Variants in DNAJC6 observed in about 807,000 individuals in gnomAD.
The protein encoded by DNAJC6 is auxilin.
A neutral mutation model predicts 110.0 loss-of-function variants in DNAJC6; 34 were observed. The observed-to-expected ratio is 0.31, with a 90% CI of 0.24 to 0.41. The LOEUF (loss-of-function observed/expected upper bound fraction) is 0.41, where lower values mean the gene tolerates loss of function less well. Among genes scored for constraint, DNAJC6 ranks in the 10% least tolerant of loss-of-function variants. DNAJC6 has a pLI of 1.00. For synonymous variants in DNAJC6, 406 were observed against 437.2 expected (o/e 0.93, Z 0.89); for missense variants, 1,031 against 1,207.8 (o/e 0.85, Z 2.17).
chr1:65,269,316 C>T (rs1473751942), intron 1 of DNAJC6, among the ~76,000 whole-genome samples: 1 of 150,418 alleles, frequency 6.6e-6, no homozygotes, highest in Non-Finnish European at 1.5e-5. Flanking sequence ...TTCAGTGAGC[C>T]GAGATAGCAA....
intron 1 of DNAJC6, among the ~76,000 whole-genome samples, chr1:65,269,431 T>C (rs1046279733): frequency 1.3e-5 from 2 of 152,120 alleles, no homozygotes; most frequent in African/African-American, 4.8e-5. Flanking sequence ...TGGAAGTTAT[T>C]ACAAAATCTA....
At chr1:65,278,678 C>T (rs1653751001) in intron 1 of DNAJC6, among the ~76,000 whole-genome samples, 1 of 152,000 alleles carries the variant, frequency 6.6e-6, no homozygotes, top group Non-Finnish European at 1.5e-5. Flanking sequence ...AAGAAAGTGC[C>T]AAAGAGAAAG....
At chr1:65,307,030 A>G (rs1272378517), upstream of DNAJC6, among the ~76,000 whole-genome samples, 1 of 147,206 alleles carries the variant, frequency 6.8e-6, no homozygotes, top group East Asian at 2.0e-4. Context: ...ATATATATAT[A>G]TATATATATA....
At chr1:65,335,329 T>A (rs1381757689) in intron 1 of DNAJC6, among the ~76,000 whole-genome samples, 4 of 151,846 alleles carry the variant, frequency 2.6e-5, no homozygotes, top group African/African-American at 9.7e-5. Flanking sequence ...TTAGCCATGA[T>A]GGTCTTGATC....
intron 1 of DNAJC6, among the ~76,000 whole-genome samples, chr1:65,336,319 C>A (rs1245180510): frequency 1.3e-5 from 2 of 152,066 alleles, no homozygotes; most frequent in East Asian, 3.9e-4. Flanking sequence ...GGTAACTGCC[C>A]CCATGATTCA....
intron 1 of DNAJC6, among the ~76,000 whole-genome samples, chr1:65,333,517 A>G (rs1248410990): frequency 1.3e-5 from 2 of 152,146 alleles, no homozygotes; most frequent in African/African-American, 4.8e-5. Flanking sequence ...AAAGGGGTTA[A>G]GTGAGTTGCC....
intron 1 of DNAJC6, among the ~76,000 whole-genome samples, chr1:65,289,612 A>G (rs1285441026): frequency 6.6e-6 from 1 of 152,174 alleles, no homozygotes; most frequent in Non-Finnish European, 1.5e-5. Context: ...ATTTGTATGT[A>G]GTCTTTTGTG....
At chr1:65,301,984 A>G (rs1370640692) in intron 1 of DNAJC6, among the ~76,000 whole-genome samples, 1 of 150,790 alleles carries the variant, frequency 6.6e-6, no homozygotes, top group African/African-American at 2.4e-5. Context: ...TCAGAGAGAG[A>G]GAGAGAGAGA....
intron 1 of DNAJC6, among the ~76,000 whole-genome samples, chr1:65,293,869 GT>G (rs1408653830): frequency 1.3e-5 from 2 of 152,090 alleles, no homozygotes; most frequent in African/African-American, 4.8e-5. Flanking sequence ...TCAAACTTAT[GT>G]TCTATTAGTG....
chr1:65,269,637 G>A (rs1489445795), intron 1 of DNAJC6, among the ~76,000 whole-genome samples: 3 of 152,182 alleles, frequency 2.0e-5, no homozygotes, highest in Non-Finnish European at 2.9e-5. Context: ...TGTCACTGCT[G>A]CATGTGACTG....
intron 1 of DNAJC6, among the ~76,000 whole-genome samples, chr1:65,329,642 CTG>C (rs1399795714): frequency 6.6e-6 from 1 of 152,090 alleles, no homozygotes; most frequent in Non-Finnish European, 1.5e-5. Context: ...AAATCCAAAA[CTG>C]TCTGTTACAA....
Position 65,315,080 on chromosome 1 carries a change from T to C in DNAJC6, c.193+5142T>C, listed in dbSNP as rs78509280. On this transcript the variant is annotated intron_variant, in intron 1 of 18. Transcript: ENST00000371069. The stretch of plus-strand genomic sequence containing the variant: ...CAGAGTTCTTTTTATTTGGGCAAAA[T>C]CAGCCTTTCTGTTCTCTAGATACAA... Among the ~76,000 whole-genome samples the C allele has an allele frequency of 8.4e-3, 1,282 of 152,248 alleles. 10 individuals are homozygous for C. Among genetic ancestry groups the C allele is most frequent in the South Asian group, 0.035 (167 of 4,826 alleles).
chr1:65,413,327 CAGA>C lies in DNAJC6; in HGVS notation c.*303_*305del. 5 of 284,482 alleles carry C rather than the reference CAGA, an allele frequency of 1.8e-5. No individual in the cohort carries two copies. The highest frequency in any genetic ancestry group is 4.7e-5 in the South Asian group (1 of 21,276). The allele number at this position is 284,482 out of a possible 1,614,324, so 17.6% of individuals were successfully genotyped here. On this transcript the variant is annotated 3_prime_UTR_variant, in exon 19 of 19. Transcript: ENST00000371069. ...GCATTCTACCTGGGGAAATGGAAAA[CAGA>C]GGCCACCACCCATGAAGGCATAACA...
At chr1:65,395,933 A>G (rs1236175246) in intron 13 of DNAJC6, among the ~76,000 whole-genome samples, 1 of 152,200 alleles carries the variant, frequency 6.6e-6, no homozygotes, top group Non-Finnish European at 1.5e-5. Context: ...CCTGATGTCG[A>G]AGTCTATTGA....
intron 16 of DNAJC6, among the ~76,000 whole-genome samples, chr1:65,408,379 G>A (rs1646096565): frequency 6.6e-6 from 1 of 152,214 alleles, no homozygotes; most frequent in African/African-American, 2.4e-5. Context: ...AGAAGGTACA[G>A]TGGAAATGGA....
At chr1:65,306,913 A>ACAGAC (rs1645043967), upstream of DNAJC6, among the ~76,000 whole-genome samples, 1 of 151,804 alleles carries the variant, frequency 6.6e-6, no homozygotes, top group Non-Finnish European at 1.5e-5. Flanking sequence ...TGCACCCAAG[A>ACAGAC]CAGACCAATA....
intron 1 of DNAJC6, among the ~76,000 whole-genome samples, chr1:65,337,295 T>G (rs1645346849): frequency 1.1e-5 from 1 of 89,796 alleles, no homozygotes; most frequent in Admixed American, 9.4e-5. Flanking sequence ...AATGTAATTC[T>G]TACTTTTTTT....
intron 1 of DNAJC6, among the ~76,000 whole-genome samples, chr1:65,349,107 A>AATATATATATATAAATAT (rs1645466812): frequency 7.3e-6 from 1 of 136,702 alleles, no homozygotes; most frequent in Non-Finnish European, 1.5e-5. Context: ...TATATAAATA[A>AATATATATATATAAATAT]ATATGTAAAT....
intron 1 of DNAJC6, among the ~76,000 whole-genome samples, chr1:65,265,885 C>G (rs1435483403): frequency 6.6e-6 from 1 of 152,136 alleles, no homozygotes. Flanking sequence ...GTGCCGGGCC[C>G]CTGCTTCCGG....
Sources: allele counts gnomAD v4.1 joint callset (sites outside exome capture counted in the v4.1 genomes callset), GRCh38; gene constraint gnomAD v4.1.1; transcripts MANE v1.5; gene names NCBI Gene and HGNC (gene_info 2026-07-23, HGNC 2026-07-21).